Variants in PACS2 observed in about 807,000 individuals in gnomAD.
PACS2 encodes PACS1-like protein.
PACS2 carries 36 observed loss-of-function variants against 113.0 expected under a neutral mutation model. That is an observed-to-expected ratio of 0.32 (90% CI 0.24 to 0.42). The LOEUF is 0.42. Ranked by LOEUF, PACS2 falls within the 10% of genes least tolerant of loss-of-function variation. PACS2 has a pLI of 1.00. For synonymous variants in PACS2, 589 were observed against 536.1 expected (o/e 1.10, Z -1.36); for missense variants, 1,015 against 1,239.5 (o/e 0.82, Z 2.72).
chr14:105,305,646 G>A (rs587605493), intron 1 of PACS2, among the ~76,000 whole-genome samples: 3 of 152,342 alleles, frequency 2.0e-5, no homozygotes, highest in African/African-American at 7.2e-5. Flanking sequence ...CACGTGATGT[G>A]AAGGCATAAA....
Position 105,383,377 on chromosome 14 carries a change from G to C in PACS2, c.1644G>C (p.Gln548His). The change falls in exon 16 of 25, where the codon CAG becomes CAC. Residue 548 changes from glutamine (Q) to histidine (H), a missense_variant. By Grantham distance (24) the Gln-to-His change is conservative. This residue lies in a region of PACS2 where 859 missense variants were observed against 1,056.8 expected (regional missense o/e 0.81). Transcript: ENST00000447393. ...ATTGCAGCTGCAACTGCAATTCCCA[G>C]CCCCCGACCCCCGTGAAGATCGCCG... is the stretch of plus-strand genomic sequence containing the variant. ...RIQRYCNCNS[Q>H]PPTPVKIAVA... is the part of the protein sequence containing the mutation. 2 of 1,608,032 alleles carry C rather than the reference G, an allele frequency of 1.2e-6. No individual in the cohort carries two copies. The highest frequency in any genetic ancestry group is 1.7e-6 in the Non-Finnish European group (2 of 1,179,950).
chr14:105,344,980 A>C (rs1179359538), intron 1 of PACS2, among the ~76,000 whole-genome samples: 1 of 152,028 alleles, frequency 6.6e-6, no homozygotes, highest in Non-Finnish European at 1.5e-5. Flanking sequence ...GTGGTAGTGC[A>C]CACCTGTAAT....
At chr14:105,384,039 G>T (rs1298346390) in intron 16 of PACS2, 4 of 385,536 alleles carry the variant, frequency 1.0e-5, no homozygotes, top group Non-Finnish European at 1.9e-5. Context: ...TCTCCCGTGT[G>T]GCCCTCACGA....
rs927920032 is a variant in PACS2 at position 105,391,456 on chromosome 14, T to G, written c.2120-175T>G. 164 of 687,908 alleles carry G rather than the reference T, an allele frequency of 2.4e-4. 2 individuals are homozygous for G. In the Middle Eastern group the frequency reaches 3.6e-3, roughly 15 times the overall value. The allele number at this position is 687,908 out of a possible 1,614,324, so 42.6% of individuals were successfully genotyped here. On this transcript the variant is annotated intron_variant, in intron 21 of 24. Transcript: ENST00000447393. ...CCACATCAAGGCTGGCAGGGTTGTC[T>G]TCCAAAAACCGAGGAGAATCCGAGA...
chr14:105,369,151 C>T (rs2061057843), intron 7 of PACS2, among the ~76,000 whole-genome samples: 1 of 152,240 alleles, frequency 6.6e-6, no homozygotes, highest in Admixed American at 6.5e-5. Flanking sequence ...CGGACACCGC[C>T]GCCTCCTCTG....
intron 1 of PACS2, among the ~76,000 whole-genome samples, chr14:105,302,761 G>A (rs1405089395): frequency 3.3e-5 from 5 of 150,146 alleles, no homozygotes; most frequent in Admixed American, 3.3e-4. Context: ...AATATTTTTT[G>A]TAGAGATGGG....
intron 19 of PACS2, 152 bp from the exon 20 acceptor site, chr14:105,389,809 C>T: frequency 5.5e-6 from 4 of 721,190 alleles, no homozygotes; most frequent in Non-Finnish European, 7.6e-6. Flanking sequence ...ATGGGTGGGG[C>T]CGGGACACAC....
chr14:105,316,787 G>A (rs1027655554), intron 1 of PACS2, among the ~76,000 whole-genome samples: 2 of 151,742 alleles, frequency 1.3e-5, no homozygotes, highest in Non-Finnish European at 2.9e-5. Flanking sequence ...ACTAAGTGCT[G>A]GGGGGGGTCC....
At chr14:105,305,286 C>T (rs2058154062) in intron 1 of PACS2, among the ~76,000 whole-genome samples, 1 of 152,136 alleles carries the variant, frequency 6.6e-6, no homozygotes. Context: ...TCTGTAGTCC[C>T]AGCTACTTGG....
Position 105,369,914 on chromosome 14 carries a change from G to T in PACS2, c.801+14G>T. 2 of 1,595,740 alleles carry T rather than the reference G, an allele frequency of 1.3e-6. No homozygotes were observed. The highest frequency in any genetic ancestry group is 1.3e-5 in the African/African-American group (1 of 74,870). On this transcript the variant is annotated intron_variant, in intron 8 of 24. Coordinates refer to ENST00000447393, the MANE Select transcript of PACS2 (RefSeq NM_001100913.3). ...GTGTCCGACGAGGTGAGTGCGCCGC[G>T]CCTTCTGCTCGCGGCCCCCACGCCT...
chr14:105,359,577 G>GT (rs1699013627), intron 4 of PACS2, among the ~76,000 whole-genome samples: 1 of 142,280 alleles, frequency 7.0e-6, no homozygotes, highest in African/African-American at 2.7e-5. Flanking sequence ...CAAAGTGTTG[G>GT]TATTTCTTTC....
At chr14:105,320,038 C>T (rs186067853) in intron 1 of PACS2, among the ~76,000 whole-genome samples, 48 of 151,386 alleles carry the variant, frequency 3.2e-4, no homozygotes, top group Admixed American at 2.2e-3. Flanking sequence ...AGTGCAGTGG[C>T]GTGATCTCAG....
rs750238076 is a variant in PACS2, at chr14:105,317,624, TC to T, written c.119+2588del. 9.1e-4 allele frequency among the ~76,000 whole-genome samples: 138 copies of T among 152,206 alleles called. 1 individual carries two copies. Among genetic ancestry groups the T allele is most frequent in the Non-Finnish European group, 1.3e-3 (91 of 68,028 alleles). On this transcript the variant is annotated intron_variant, in intron 1 of 24. Transcript: ENST00000447393. The surrounding 1 kb of genome is among the most constrained non-coding windows in gnomAD (Gnocchi z 4.2). Reference sequence around the variant, plus strand: ...TCCTGTTCCTTTGCCAGTTTTTTTTTCTCTTTTTTTCTGCTTGAGTTTCAGC... The same window carrying T: ...TCCTGTTCCTTTGCCAGTTTTTTTTTTCTTTTTTTCTGCTTGAGTTTCAGC...
At chr14:105,343,708 T>G (rs2059817933) in intron 1 of PACS2, among the ~76,000 whole-genome samples, 1 of 151,916 alleles carries the variant, frequency 6.6e-6, no homozygotes, top group South Asian at 2.1e-4. Context: ...ACTTTTTTTT[T>G]TTTTTGAGAT....
At chr14:105,392,403 C>T in intron 22 of PACS2, 1 of 580,338 alleles carries the variant, frequency 1.7e-6, no homozygotes. Flanking sequence ...CGAGGCTCTC[C>T]TGTCGCCAGG....
intron 19 of PACS2, 53 bp downstream of exon 19, chr14:105,385,770 A>C: frequency 1.6e-6 from 2 of 1,256,366 alleles, no homozygotes; most frequent in Non-Finnish European, 2.2e-6. Flanking sequence ...GCTGGTCTTC[A>C]GGGCTTGTTT....
chr14:105,376,235 G>A lies in PACS2; in HGVS notation c.802-533G>A, dbSNP rs954927500. ...CTTGGGTGGGGACACAGTGGAACATGAAGTGTGCCACGCTGGGTGGATGAC... is the reference window on the plus strand; with the variant it reads ...CTTGGGTGGGGACACAGTGGAACATAAAGTGTGCCACGCTGGGTGGATGAC... On this transcript the variant is annotated intron_variant, in intron 8 of 24. Coordinates refer to ENST00000447393, the MANE Select transcript of PACS2 (RefSeq NM_001100913.3). This position sits in a 1 kb window ranked among gnomAD's most constrained non-coding sequence, Gnocchi z 4.7. 1.3e-5 allele frequency among the ~76,000 whole-genome samples: 2 copies of A among 152,042 alleles called. No individual in the cohort carries two copies. Among genetic ancestry groups the A allele is most frequent in the Non-Finnish European group, 2.9e-5 (2 of 68,004 alleles).
rs1038948499 is a variant in PACS2 at position 105,314,752 on chromosome 14, C to G, written c.-167C>G. ...GCGGGGCGGGGCGGAGCGGCCGCAG[C>G]TCGTCGCCGCCCGCGGGCCTGTCCG... On this transcript the variant is annotated 5_prime_UTR_variant, in exon 1 of 25. Transcript: ENST00000447393. 2.0e-5 allele frequency: 3 copies of G among 151,090 alleles called. No homozygotes were observed. The highest frequency in any genetic ancestry group is 6.8e-5 in the Admixed American group (1 of 14,652). The allele number at this position is 151,090 out of a possible 1,614,324, so 9.4% of individuals were successfully genotyped here.
At chr14:105,369,080 G>A (rs117926991) in intron 7 of PACS2, among the ~76,000 whole-genome samples, 1,674 of 152,392 alleles carry the variant, frequency 0.011, 23 homozygotes, top group Middle Eastern at 0.027. Context: ...AGGGAGGCCA[G>A]CGCAGGTGGG....
Sources: gnomAD v4.1 joint callset for allele counts (sites outside exome capture counted in the v4.1 genomes callset) on GRCh38, gnomAD v4.1.1 for gene constraint, gnomAD v4.1.1 regional missense constraint, Gnocchi (gnomAD v3.1) non-coding constraint, MANE v1.5 for transcripts, NCBI Gene and HGNC (gene_info 2026-07-23, HGNC 2026-07-21) for gene names.